The following PPARGC1A variants were observed in gnomAD, a reference collection of about 807,000 sequenced individuals.
PPARGC1A encodes the protein PPARG coactivator 1 alpha.
PPARGC1A carries 25 observed loss-of-function variants against 88.7 expected under a neutral mutation model. That is an observed-to-expected ratio of 0.28 (90% CI 0.21 to 0.39). The LOEUF is 0.39. PPARGC1A is among the 10% of genes least tolerant of loss of function. The pLI is 1.00. For synonymous variants in PPARGC1A, 363 were observed against 355.6 expected, an observed-to-expected ratio of 1.02 and a Z score of -0.24; for missense variants, 880 against 968.7, an observed-to-expected ratio of 0.91 and a Z score of 1.22.
In PPARGC1A at chr4:23,866,798, G is replaced by T. The variant is rs556044229; in HGVS notation, c.234+17954C>A. Among the ~76,000 whole-genome samples, 5 of 152,088 alleles carry T rather than the reference G, an allele frequency of 3.3e-5. 2 individuals are homozygous for T. The highest frequency in any genetic ancestry group is 1.2e-4 in the African/African-American group (5 of 41,484). ...TTTTTTAGCTTGGCTTGCTGTAGCT[G>T]ACTATTTAATTCATTTCTGATTCTA... On this transcript the variant is annotated intron_variant, in intron 2 of 12. Coordinates refer to ENST00000264867, the MANE Select transcript of PPARGC1A (RefSeq NM_013261.5).
At chr4:24,180,630 C>T in the PPARGC1A span, among the ~76,000 whole-genome samples, 1 of 152,144 alleles carries the variant, frequency 6.6e-6, no homozygotes, top group South Asian at 2.1e-4. Context: ...CCATAGGCAG[C>T]TACTATTTTA....
the PPARGC1A span, among the ~76,000 whole-genome samples, chr4:24,111,791 C>T: frequency 6.6e-6 from 1 of 152,104 alleles, no homozygotes; most frequent in Non-Finnish European, 1.5e-5. Flanking sequence ...AGTTAATTGC[C>T]TTCTAAAACG....
the PPARGC1A span, among the ~76,000 whole-genome samples, chr4:24,465,016 G>A: frequency 2.0e-3 from 304 of 152,272 alleles, 4 homozygotes; most frequent in African/African-American, 6.6e-3. Flanking sequence ...ACAGGCACAC[G>A]CCATCACACC....
the PPARGC1A span, among the ~76,000 whole-genome samples, chr4:24,301,844 C>A: frequency 6.6e-6 from 1 of 152,090 alleles, no homozygotes; most frequent in Non-Finnish European, 1.5e-5. Context: ...GGGGTCTTTT[C>A]ATCCTACCCA....
chr4:24,073,686 T>G, the PPARGC1A span, among the ~76,000 whole-genome samples: 13 of 152,166 alleles, frequency 8.5e-5, no homozygotes, highest in African/African-American at 2.9e-4. Flanking sequence ...ACTACTACTA[T>G]CACCATTTTA....
chr4:24,001,584 T>C, the PPARGC1A span, among the ~76,000 whole-genome samples: 1 of 152,278 alleles, frequency 6.6e-6, no homozygotes, highest in South Asian at 2.1e-4. Flanking sequence ...CAAACCAGAA[T>C]CCCTTTTCTT....
chr4:24,104,640 G>C, the PPARGC1A span, among the ~76,000 whole-genome samples: 1 of 152,252 alleles, frequency 6.6e-6, no homozygotes, highest in South Asian at 2.1e-4. Context: ...GAAGCAATCA[G>C]AAGGAACATC....
chr4:24,431,610 G>A, the PPARGC1A span, among the ~76,000 whole-genome samples: 4 of 152,168 alleles, frequency 2.6e-5, no homozygotes, highest in Admixed American at 6.5e-5. Flanking sequence ...CAGAAAGACC[G>A]TCGAATGTGC....
chr4:23,805,121 C>T (rs1185894039), intron 10 of PPARGC1A, among the ~76,000 whole-genome samples: 1 of 142,274 alleles, frequency 7.0e-6, no homozygotes, highest in African/African-American at 2.5e-5. Flanking sequence ...TCATCTTGAA[C>T]ACTTATCCCA....
the PPARGC1A span, among the ~76,000 whole-genome samples, chr4:24,268,262 T>C: frequency 6.6e-6 from 1 of 152,222 alleles, no homozygotes; most frequent in Non-Finnish European, 1.5e-5. Flanking sequence ...CAGTGTGATC[T>C]GGTTTGGTGC....
chr4:24,087,418 G>C, the PPARGC1A span, among the ~76,000 whole-genome samples: 1 of 152,120 alleles, frequency 6.6e-6, no homozygotes, highest in South Asian at 2.1e-4. Flanking sequence ...AGTATTTCTA[G>C]ACCAGTTCAA....
chr4:24,153,299 T>G, the PPARGC1A span, among the ~76,000 whole-genome samples: 1 of 151,960 alleles, frequency 6.6e-6, no homozygotes, highest in African/African-American at 2.4e-5. Context: ...TTTGCCAGGC[T>G]CCCAGCACTC....
chr4:23,885,931 T>C (rs907538914), intron 1 of PPARGC1A, among the ~76,000 whole-genome samples: 1 of 152,176 alleles, frequency 6.6e-6, no homozygotes, highest in Non-Finnish European at 1.5e-5. Flanking sequence ...TTACATGAAA[T>C]AGACAGTCTT....
the PPARGC1A span, among the ~76,000 whole-genome samples, chr4:24,313,014 T>C: frequency 1.3e-5 from 2 of 152,162 alleles, no homozygotes; most frequent in African/African-American, 4.8e-5. Context: ...GTGAGGCTTA[T>C]AGAAGAATAA....
intron 2 of PPARGC1A, among the ~76,000 whole-genome samples, chr4:23,844,111 G>A (rs1727552183): frequency 6.6e-6 from 1 of 150,642 alleles, no homozygotes; most frequent in Admixed American, 6.7e-5. Flanking sequence ...GGTGGTGAAA[G>A]GATGGCAGAT....
chr4:24,170,116 G>A, the PPARGC1A span, among the ~76,000 whole-genome samples: 1 of 152,134 alleles, frequency 6.6e-6, no homozygotes, highest in East Asian at 1.9e-4. Context: ...ATAAAAGGAA[G>A]GCTTTAAAAA....
At chr4:23,852,155 G>A (rs914523452) in intron 2 of PPARGC1A, among the ~76,000 whole-genome samples, 4 of 152,144 alleles carry the variant, frequency 2.6e-5, no homozygotes, top group African/African-American at 9.7e-5. Context: ...GAATTAAAAT[G>A]TAGAATTATT....
intron 2 of PPARGC1A, among the ~76,000 whole-genome samples, chr4:23,856,796 A>C (rs1211334611): frequency 3.3e-5 from 5 of 151,352 alleles, no homozygotes; most frequent in Non-Finnish European, 7.4e-5. Context: ...CAGAAGCCGG[A>C]CTCTCCCTTC....
At chr4:24,288,772 C>T in the PPARGC1A span, among the ~76,000 whole-genome samples, 1 of 152,144 alleles carries the variant, frequency 6.6e-6, no homozygotes, top group East Asian at 1.9e-4. Context: ...AATAAATAAA[C>T]GGCAGTAGAC....
Sources: gnomAD v4.1 joint callset for allele counts (sites outside exome capture counted in the v4.1 genomes callset) on GRCh38, gnomAD v4.1.1 for gene constraint, MANE v1.5 for transcripts, NCBI Gene and HGNC (gene_info 2026-07-23, HGNC 2026-07-21) for gene names.